NRXN3: variants seen among roughly 807,000 people sequenced by gnomAD.
NRXN3 encodes neurexin 3, also known as neurexin III.
In NRXN3, 32 loss-of-function variants were observed where a neutral mutation model predicts 137.6. The observed-to-expected ratio is 0.23, with a 90% CI of 0.18 to 0.31. The LOEUF (loss-of-function observed/expected upper bound fraction) is 0.31, where lower values mean the gene tolerates loss of function less well. Among genes scored for constraint, NRXN3 ranks in the 10% least tolerant of loss-of-function variants. The pLI is 1.00. For synonymous variants in NRXN3, 798 were observed against 784.5 expected (o/e 1.02, Z -0.29); for missense variants, 1,574 against 2,062.5 (o/e 0.76, Z 4.59).
Position 79,364,257 on chromosome 14 carries a change from A to G in NRXN3, c.3263-102964A>G, listed in dbSNP as rs113987229. 3.9e-4 allele frequency among the ~76,000 whole-genome samples: 60 copies of G among 152,322 alleles called. 2 individuals are homozygous for G. The East Asian group carries it at 9.3e-3, about 23-fold the overall frequency. On this transcript the variant is annotated intron_variant, in intron 15 of 20. Coordinates refer to ENST00000335750, the MANE Select transcript of NRXN3 (RefSeq NM_001330195.2). ...CCTTTTTTGTCCGTGATTGCTTTCA[A>G]TGGTTCTAATGACCCCATTGGAAGT...
At chr14:78,383,616 A>G (rs1195620438) in intron 4 of NRXN3, among the ~76,000 whole-genome samples, 1 of 152,220 alleles carries the variant, frequency 6.6e-6, no homozygotes, top group Non-Finnish European at 1.5e-5. Flanking sequence ...CTCTTAAACA[A>G]TAATATAAAA....
At chr14:79,025,567 G>A (rs872483) in intron 15 of NRXN3, among the ~76,000 whole-genome samples, 82,097 of 151,942 alleles carry the variant, frequency 0.54, 24,114 homozygotes, top group East Asian at 0.78. Context: ...TCCCTCTACC[G>A]TGAAATTTAT....
At chr14:78,537,787 T>C (rs2096550606) in intron 4 of NRXN3, among the ~76,000 whole-genome samples, 1 of 152,196 alleles carries the variant, frequency 6.6e-6, no homozygotes, top group South Asian at 2.1e-4. Context: ...AATTTTTGTA[T>C]AAGGTATAAG....
chr14:79,491,210 C>T (rs1454617665), intron 16 of NRXN3, among the ~76,000 whole-genome samples: 5 of 152,126 alleles, frequency 3.3e-5, no homozygotes, highest in Non-Finnish European at 5.9e-5. Flanking sequence ...GCTTGCTGCT[C>T]ACAAGTAGCT....
intron 15 of NRXN3, among the ~76,000 whole-genome samples, chr14:79,131,762 T>C (rs982406038): frequency 1.3e-5 from 2 of 152,172 alleles, no homozygotes; most frequent in African/African-American, 2.4e-5. Flanking sequence ...CAATGGCGAG[T>C]GCCCCTCCCC....
At chr14:78,398,107 G>A (rs138268384) in intron 4 of NRXN3, among the ~76,000 whole-genome samples, 5,121 of 150,878 alleles carry the variant, frequency 0.034, 215 homozygotes, top group South Asian at 0.11. Context: ...CTAGCTACTC[G>A]GGAGGCTGAG....
chr14:78,891,782 C>T (rs1043237166), intron 10 of NRXN3, among the ~76,000 whole-genome samples: 1 of 151,998 alleles, frequency 6.6e-6, no homozygotes, highest in Non-Finnish European at 1.5e-5. Flanking sequence ...TTACCATACA[C>T]ATGCATTTTT....
rs1269326402 is a variant in NRXN3, at chr14:78,943,619, AAAATATATAT to A, written c.2276-13621_2276-13612del. Among the ~76,000 whole-genome samples the A allele has an allele frequency of 7.1e-3, 304 of 42,806 alleles. 18 individuals carry two copies. The highest frequency in any genetic ancestry group is 0.01 in the Non-Finnish European group (234 of 23,298). The allele number at this position is 42,806 out of a possible 152,430, so 28.1% of individuals were successfully genotyped here. A position where few individuals can be genotyped will look rare whatever the true frequency, so the allele number is the denominator to read the frequency against. Reference sequence around the variant, plus strand: ...GAAGCAAGATCACTGTTAAAAAAAAAAAATATATATATATATATATATATATATATATATA... The same window carrying A: ...GAAGCAAGATCACTGTTAAAAAAAAAATATATATATATATATATATATATA... On this transcript the variant is annotated intron_variant, in intron 10 of 20. Coordinates refer to ENST00000335750, the MANE Select transcript of NRXN3 (RefSeq NM_001330195.2).
intron 19 of NRXN3, among the ~76,000 whole-genome samples, chr14:79,702,634 G>GA (rs1419518731): frequency 6.6e-6 from 1 of 151,984 alleles, no homozygotes; most frequent in African/African-American, 2.4e-5. Context: ...AAGGGGTCCA[G>GA]AATCAAAATC....
At chr14:78,922,904 G>A (rs1392207417) in intron 10 of NRXN3, among the ~76,000 whole-genome samples, 3 of 152,188 alleles carry the variant, frequency 2.0e-5, no homozygotes, top group Non-Finnish European at 4.4e-5. Context: ...CGTCTTTCAT[G>A]TGAATGGAAG....
chr14:78,916,044 G>A (rs1043784170), intron 10 of NRXN3, among the ~76,000 whole-genome samples: 1 of 152,020 alleles, frequency 6.6e-6, no homozygotes, highest in Non-Finnish European at 1.5e-5. Flanking sequence ...TTCTCATCTT[G>A]GGAGTCTTGA....
chr14:79,135,163 A>T (rs1488293498), intron 15 of NRXN3, among the ~76,000 whole-genome samples: 1 of 152,188 alleles, frequency 6.6e-6, no homozygotes, highest in Non-Finnish European at 1.5e-5. Context: ...ATTTTCTCTG[A>T]TCATAGTTAT....
At chr14:78,580,804 GGGCCA>G (rs1272671231) in intron 4 of NRXN3, among the ~76,000 whole-genome samples, 2 of 152,178 alleles carry the variant, frequency 1.3e-5, no homozygotes, top group Non-Finnish European at 2.9e-5. Context: ...CTCTTCTTTG[GGGCCA>G]GGCCAGGACT....
intron 6 of NRXN3, among the ~76,000 whole-genome samples, chr14:78,690,563 G>T (rs2098162657): frequency 6.6e-6 from 1 of 152,152 alleles, no homozygotes. Flanking sequence ...CTCCATGGTT[G>T]TTTGTTGAGT....
chr14:79,662,537 C>T (rs1033276489), intron 16 of NRXN3, among the ~76,000 whole-genome samples: 1 of 152,068 alleles, frequency 6.6e-6, no homozygotes, highest in African/African-American at 2.4e-5. Context: ...CCAGCATCAC[C>T]ATTTGCATCA....
chr14:78,407,705 T>A (rs943814242), intron 4 of NRXN3, among the ~76,000 whole-genome samples: 5 of 152,144 alleles, frequency 3.3e-5, no homozygotes, highest in Non-Finnish European at 5.9e-5. Flanking sequence ...TAATCTCAGA[T>A]TCCGTATCTT....
chr14:78,641,551 C>T (rs1413540492), intron 4 of NRXN3, among the ~76,000 whole-genome samples: 1 of 152,188 alleles, frequency 6.6e-6, no homozygotes, highest in Non-Finnish European at 1.5e-5. Flanking sequence ...TATTCCATCA[C>T]TTGAAAATGA....
At chr14:79,388,191 G>C (rs2094707799) in intron 15 of NRXN3, among the ~76,000 whole-genome samples, 1 of 151,844 alleles carries the variant, frequency 6.6e-6, no homozygotes, top group Non-Finnish European at 1.5e-5. Context: ...AAATGCACCA[G>C]CTCCCCCTTC....
intron 4 of NRXN3, among the ~76,000 whole-genome samples, chr14:78,300,978 T>C (rs1375661105): frequency 6.6e-6 from 1 of 152,048 alleles, no homozygotes; most frequent in Admixed American, 6.5e-5. Context: ...GGGGAGGGTG[T>C]TCTAAGATCC....
Sources: allele counts gnomAD v4.1 joint callset (sites outside exome capture counted in the v4.1 genomes callset), GRCh38; gene constraint gnomAD v4.1.1; transcripts MANE v1.5; gene names NCBI Gene and HGNC (gene_info 2026-07-23, HGNC 2026-07-21).